The following RBFOX3 variants were observed in gnomAD, a reference collection of about 807,000 sequenced individuals.
RBFOX3 encodes RNA binding protein fox-1 homolog 3.
Under a neutral mutation model 48.7 loss-of-function variants are expected in RBFOX3, and 17 were observed. That is an observed-to-expected ratio of 0.35 (90% CI 0.24 to 0.52). The LOEUF (loss-of-function observed/expected upper bound fraction) is 0.52. Ranked by LOEUF, RBFOX3 falls within the 20% of genes least tolerant of loss-of-function variation. The pLI, the probability that RBFOX3 is intolerant of heterozygous loss-of-function variation, is 0.94. For synonymous variants in RBFOX3, 212 were observed against 209.5 expected, an observed-to-expected ratio of 1.01 and a Z score of -0.10; for missense variants, 382 against 497.5, an observed-to-expected ratio of 0.77 and a Z score of 2.21.
chr17:79,393,382 G>A (rs560437667), intron 2 of RBFOX3, among the ~76,000 whole-genome samples: 3 of 152,348 alleles, frequency 2.0e-5, no homozygotes, highest in South Asian at 2.1e-4. Flanking sequence ...GATGCTGGAC[G>A]AAGCAAGCCT....
In RBFOX3 at chr17:79,115,701, G is replaced by GGGGGGGGC; in HGVS notation, c.14_15insGCCCCCCC (p.Tyr5Ter). The GGGGGGGGC allele has an allele frequency of 2.4e-6, 1 of 415,912 alleles. No homozygotes were observed. The highest frequency in any genetic ancestry group is 4.5e-6 in the Non-Finnish European group (1 of 222,390). 25.8% of individuals were successfully genotyped at this position (415,912 alleles called of 1,614,324 possible). A position where few individuals can be genotyped will look rare whatever the true frequency, so the allele number is the denominator to read the frequency against. On this transcript the variant is annotated stop_gained and frameshift_variant, in exon 5 of 15. Transcript: ENST00000693108. LOFTEE classifies it high-confidence loss of function. ...GCGGAGGGGGGTACTGGGCGGGGGG[G>GGGGGGGGC]TAGGGCTGGGCCATCGCTTCAGGCG...
At chr17:79,593,587 A>G (rs2093483979) in intron 1 of RBFOX3, among the ~76,000 whole-genome samples, 1 of 152,216 alleles carries the variant, frequency 6.6e-6, no homozygotes, top group African/African-American at 2.4e-5. Context: ...TCCTTTCTTA[A>G]TTCAATGCAA....
upstream of RBFOX3, among the ~76,000 whole-genome samples, chr17:79,614,675 A>G (rs1306493033): frequency 6.6e-6 from 1 of 152,232 alleles, no homozygotes; most frequent in African/African-American, 2.4e-5. Context: ...CCATGAACCA[A>G]GAGCAGGGTG....
chr17:79,405,898 C>T (rs1332454424), intron 2 of RBFOX3, among the ~76,000 whole-genome samples: 1 of 152,192 alleles, frequency 6.6e-6, no homozygotes, highest in Non-Finnish European at 1.5e-5. Flanking sequence ...TTTTCCACCA[C>T]CTCTGAGTTT....
chr17:79,620,293 GCA>G, the RBFOX3 span, among the ~76,000 whole-genome samples: 2 of 143,894 alleles, frequency 1.4e-5, no homozygotes, highest in African/African-American at 2.6e-5. Flanking sequence ...GCGCACACAC[GCA>G]CACACGCACA....
At chr17:79,419,799 T>C (rs1228536392) in intron 2 of RBFOX3, among the ~76,000 whole-genome samples, 1 of 152,116 alleles carries the variant, frequency 6.6e-6, no homozygotes, top group Non-Finnish European at 1.5e-5. Context: ...TGTCTTGGCA[T>C]CCTCTCCAAG....
intron 4 of RBFOX3, among the ~76,000 whole-genome samples, chr17:79,225,315 G>A (rs1029863399): frequency 3.4e-5 from 4 of 118,672 alleles, no homozygotes; most frequent in African/African-American, 7.7e-5. Flanking sequence ...TTTTTAGACA[G>A]GGTCTCACTC....
chr17:79,397,493 C>CAA (rs201344788), intron 2 of RBFOX3, among the ~76,000 whole-genome samples: 1 of 119,704 alleles, frequency 8.4e-6, no homozygotes, highest in African/African-American at 2.8e-5. Flanking sequence ...ACTCCATCCC[C>CAA]AAAAAAAAAA....
the RBFOX3 span, among the ~76,000 whole-genome samples, chr17:79,653,683 G>A: frequency 3.2e-4 from 48 of 152,202 alleles, 1 homozygote; most frequent in Admixed American, 5.9e-4. Context: ...ATAGGCAGAA[G>A]TAGGAAGGGG....
At chr17:79,301,578 C>A (rs747648946) in intron 3 of RBFOX3, among the ~76,000 whole-genome samples, 1 of 152,222 alleles carries the variant, frequency 6.6e-6, no homozygotes, top group Admixed American at 6.5e-5. Context: ...GGAGGAGCAC[C>A]TCGCTGGAAA....
At position 79,166,091 on chromosome 17, in the gene RBFOX3, T is replaced by C. The variant is rs149720404; in HGVS notation, c.-33-50343A>G. ...TACCCGGCGTGCGGCAGAGTTGTGATTGGAACTAGGTACAACAGAGGGATA... is the reference window on the plus strand; with the variant it reads ...TACCCGGCGTGCGGCAGAGTTGTGACTGGAACTAGGTACAACAGAGGGATA... On this transcript the variant is annotated intron_variant, in intron 4 of 14. Transcript: ENST00000693108. Among the ~76,000 whole-genome samples, 20 of 152,258 alleles carry C rather than the reference T, an allele frequency of 1.3e-4. No homozygotes were observed. The East Asian group carries it at 3.7e-3, about 28-fold the overall frequency.
At chr17:79,277,690 T>TCACTGTTGC (rs1336432911) in intron 3 of RBFOX3, among the ~76,000 whole-genome samples, 33 of 152,268 alleles carry the variant, frequency 2.2e-4, no homozygotes, top group African/African-American at 6.5e-4. Flanking sequence ...AAGGGTCAAG[T>TCACTGTTGC]CACTGTTGCG....
chr17:79,167,271 C>G (rs1022427550), intron 4 of RBFOX3, among the ~76,000 whole-genome samples: 24 of 151,084 alleles, frequency 1.6e-4, no homozygotes, highest in African/African-American at 5.7e-4. Flanking sequence ...GTGCTAGGCC[C>G]CTCTTCCCTT....
intron 10 of RBFOX3, 94 bp from the exon 11 acceptor site, chr17:79,097,518 CCCCCAACCCCT>C: frequency 7.5e-6 from 10 of 1,328,726 alleles, no homozygotes; most frequent in South Asian, 1.6e-5. Flanking sequence ...GCGCACCTAG[CCCCCAACCCCT>C]CCCCAAGCCC....
chr17:79,135,925 C>T (rs576602112), intron 4 of RBFOX3: 1 of 152,442 alleles, frequency 6.6e-6, no homozygotes. Context: ...TCCTCGGCCA[C>T]TTATGCTGGG....
rs1321189727 is a variant in RBFOX3, at chr17:79,361,040, A to G, written c.-174-53216T>C. Among the ~76,000 whole-genome samples, 1 of 152,184 alleles carries G rather than the reference A, an allele frequency of 6.6e-6. No homozygotes were observed. Among genetic ancestry groups the G allele is most frequent in the Non-Finnish European group, 1.5e-5 (1 of 68,022 alleles). On this transcript the variant is annotated intron_variant, in intron 2 of 14. Transcript: ENST00000693108. This position sits in a 1 kb window ranked among gnomAD's most constrained non-coding sequence, Gnocchi z 4.5. The stretch of plus-strand genomic sequence containing the variant: ...GGGAAGAACATCAGCTTTTGGAAAC[A>G]GAAGTTCACGTCTCAGGCAAAGGAA...
At chr17:79,269,767 TG>T (rs1230997531) in intron 3 of RBFOX3, among the ~76,000 whole-genome samples, 9 of 148,782 alleles carry the variant, frequency 6.0e-5, no homozygotes, top group African/African-American at 2.4e-4. Flanking sequence ...TGTCTTTCCT[TG>T]CCATTAGCAT....
intron 1 of RBFOX3, among the ~76,000 whole-genome samples, chr17:79,513,466 C>T (rs1384090830): frequency 1.3e-5 from 2 of 152,228 alleles, no homozygotes; most frequent in African/African-American, 4.8e-5. Context: ...GGCCAGGTGG[C>T]ACATACCTGG....
At chr17:79,444,834 T>G (rs1331427217) in intron 2 of RBFOX3, among the ~76,000 whole-genome samples, 1 of 152,096 alleles carries the variant, frequency 6.6e-6, no homozygotes, top group Non-Finnish European at 1.5e-5. Flanking sequence ...TGCAGTTATA[T>G]ATTATATATT....
Sources: allele counts gnomAD v4.1 joint callset (sites outside exome capture counted in the v4.1 genomes callset), GRCh38; gene constraint gnomAD v4.1.1; non-coding constraint Gnocchi (gnomAD v3.1); transcripts MANE v1.5; gene names NCBI Gene and HGNC (gene_info 2026-07-23, HGNC 2026-07-21).